Variants in HEATR4 observed in about 807,000 individuals in gnomAD.
The protein encoded by HEATR4 is HEAT repeat containing 4.
HEATR4 carries 95 observed loss-of-function variants against 108.8 expected under a neutral mutation model. The ratio of observed to expected loss-of-function variants is 0.87; its 90% CI spans 0.74 to 1.04. HEATR4 has a LOEUF of 1.04. Among genes scored for constraint, HEATR4 ranks in the 50% least tolerant of loss-of-function variants. The pLI is 0.00. For synonymous variants in HEATR4, 443 were observed against 459.4 expected (o/e 0.96, Z 0.46); for missense variants, 1,152 against 1,253.8 (o/e 0.92, Z 1.23).
chr14:73,605,059 G>A, the HEATR4 span, among the ~76,000 whole-genome samples: 1 of 150,834 alleles, frequency 6.6e-6, no homozygotes, highest in African/African-American at 2.4e-5. Context: ...CATAAGAGTG[G>A]CAAGACAAAA....
At chr14:73,592,390 T>G in the HEATR4 span, 1 of 1,548,474 alleles carries the variant, frequency 6.5e-7, no homozygotes, top group Non-Finnish European at 8.7e-7. Flanking sequence ...GCGGGCCGGG[T>G]GCGCGCCACG....
At chr14:73,595,244 T>A in the HEATR4 span, 1 of 1,614,194 alleles carries the variant, frequency 6.2e-7, no homozygotes, top group South Asian at 1.1e-5. Flanking sequence ...CAAGGTAGCT[T>A]TCTCAGGCCT....
chr14:73,590,484 C>T, the HEATR4 span, among the ~76,000 whole-genome samples: 3,166 of 152,362 alleles, frequency 0.021, 119 homozygotes, highest in African/African-American at 0.072. Context: ...GCCCGCACTT[C>T]TCAGCCCTTG....
the HEATR4 span, chr14:73,612,772 G>A: frequency 5.1e-6 from 7 of 1,367,876 alleles, no homozygotes; most frequent in East Asian, 1.8e-4. Context: ...GCGCGCCCGC[G>A]CTGGGAGGCA....
In HEATR4 at chr14:73,508,374, G is replaced by C. The variant is rs1886986139; in HGVS notation, c.1721-80C>G. On this transcript the variant is annotated intron_variant, in intron 8 of 17. Transcript: ENST00000553558. ...GAACAGCCTTTGGATTGATACCCAA[G>C]GCTGCTACCCCACCTGATATCTCAC... The C allele has an allele frequency of 2.3e-5, 28 of 1,239,698 alleles. 1 individual carries two copies. The South Asian group carries it at 3.0e-4, about 13-fold the overall frequency. The allele number at this position is 1,239,698 out of a possible 1,614,324, so 76.8% of individuals were successfully genotyped here.
At chr14:73,547,071 A>G in intron 1 of HEATR4, among the ~76,000 whole-genome samples, 1 of 105,036 alleles carries the variant, frequency 9.5e-6, no homozygotes, top group South Asian at 3.1e-4. Flanking sequence ...AGGCAACAAG[A>G]GCAAAACTCC....
chr14:73,618,994 G>A, the HEATR4 span, among the ~76,000 whole-genome samples: 3 of 152,022 alleles, frequency 2.0e-5, no homozygotes, highest in African/African-American at 7.3e-5. Context: ...GCCGGGCGTG[G>A]TGGTGGGCGC....
the HEATR4 span, among the ~76,000 whole-genome samples, chr14:73,615,334 C>CCAAAA: frequency 1.4e-5 from 2 of 139,332 alleles, no homozygotes; most frequent in African/African-American, 5.7e-5. Flanking sequence ...TTGCAGTGAG[C>CCAAAA]CAAAATCACA....
At position 73,492,407 on chromosome 14, in the gene HEATR4, G is replaced by A. The variant is rs752096493; in HGVS notation, c.2844+659C>T. The A allele has an allele frequency of 7.4e-6, 12 of 1,613,692 alleles. No individual in the cohort carries two copies. Among genetic ancestry groups the A allele is most frequent in the African/African-American group, 1.3e-5 (1 of 74,892 alleles). On this transcript the variant is annotated intron_variant, in intron 17 of 17. Transcript: ENST00000553558. The surrounding 1 kb of genome is among the most constrained non-coding windows in gnomAD (Gnocchi z 4.9). Reference sequence around the variant, plus strand: ...CCGAGACTTCATGGATTACATGGGGGCCCAGCATTCAGATTCTAAGGATCC... The same window carrying A: ...CCGAGACTTCATGGATTACATGGGGACCCAGCATTCAGATTCTAAGGATCC...
chr14:73,632,530 C>G, the HEATR4 span, among the ~76,000 whole-genome samples: 3 of 151,892 alleles, frequency 2.0e-5, no homozygotes, highest in Non-Finnish European at 4.4e-5. Context: ...GGCCTTTTCT[C>G]TCTCTTAAAA....
Position 73,556,592 on chromosome 14 carries a change from T to C in HEATR4, c.-152+2159A>G, listed in dbSNP as rs2140321991. 1.7e-5 allele frequency among the ~76,000 whole-genome samples: 2 copies of C among 114,350 alleles called. 1 individual carries two copies. Among genetic ancestry groups the C allele is most frequent in the South Asian group, 5.6e-4 (2 of 3,560 alleles). 75.0% of individuals were successfully genotyped at this position (114,350 alleles called of 152,430 possible). A position where few individuals can be genotyped will look rare whatever the true frequency, so the allele number is the denominator to read the frequency against. ...AGAGGCTTGTTCTGGCTTGTCTTTGTCTGTCTTGGAGTCACGGGACAGGTG... is the reference window on the plus strand; with the variant it reads ...AGAGGCTTGTTCTGGCTTGTCTTTGCCTGTCTTGGAGTCACGGGACAGGTG... On this transcript the variant is annotated intron_variant, in intron 1 of 17. Transcript: ENST00000553558.
At chr14:73,588,666 A>C in the HEATR4 span, among the ~76,000 whole-genome samples, 1 of 152,184 alleles carries the variant, frequency 6.6e-6, no homozygotes, top group Non-Finnish European at 1.5e-5. Context: ...CCACCTTATG[A>C]TGTTATTAAT....
chr14:73,509,858 A>ATTT (rs1566832304), intron 7 of HEATR4, among the ~76,000 whole-genome samples: 1 of 59,230 alleles, frequency 1.7e-5, no homozygotes, highest in Non-Finnish European at 3.3e-5. Flanking sequence ...ATATATATAT[A>ATTT]TATATATATA....
the HEATR4 span, among the ~76,000 whole-genome samples, chr14:73,572,287 A>C: frequency 5.3e-5 from 8 of 150,812 alleles, 1 homozygote; most frequent in Non-Finnish European, 1.0e-4. Flanking sequence ...TCCAGCAGTC[A>C]AAGTGATTGA....
rs1408263697 is a variant in HEATR4 at position 73,523,940 on chromosome 14, T to C, written c.-72-716A>G. ...CAGTGACCATGTCTCCCATTTCTTC[T>C]GTCTTTCAGAGTCATCCAGCACACC... On this transcript the variant is annotated intron_variant, in intron 2 of 17. Transcript: ENST00000553558. Among the ~76,000 whole-genome samples the C allele has an allele frequency of 2.4e-4, 37 of 152,202 alleles. 1 individual carries two copies. Among genetic ancestry groups the C allele is most frequent in the Admixed American group, 2.0e-3 (31 of 15,268 alleles).
At chr14:73,594,705 T>TTTA in the HEATR4 span, among the ~76,000 whole-genome samples, 1 of 151,848 alleles carries the variant, frequency 6.6e-6, no homozygotes, top group East Asian at 1.9e-4. Context: ...TATTTATTTA[T>TTTA]TTATTTATCT....
At chr14:73,585,812 G>C in the HEATR4 span, among the ~76,000 whole-genome samples, 24 of 138,230 alleles carry the variant, frequency 1.7e-4, no homozygotes, top group South Asian at 8.8e-4. Context: ...CCACTGTTTT[G>C]TCTTTTTCTT....
chr14:73,511,599 G>A (rs1275753198), intron 7 of HEATR4, among the ~76,000 whole-genome samples: 1 of 151,812 alleles, frequency 6.6e-6, no homozygotes, highest in Non-Finnish European at 1.5e-5. Flanking sequence ...TCTTGGCTGG[G>A]CACAGTGGCT....
At chr14:73,524,310 A>AAAAAAAAATATATAT in intron 2 of HEATR4, among the ~76,000 whole-genome samples, 11 of 54,774 alleles carry the variant, frequency 2.0e-4, no homozygotes, top group African/African-American at 8.8e-4. Context: ...AAAAAAAAAA[A>AAAAAAAAATATATAT]ATATATATAT....
Sources: allele counts gnomAD v4.1 joint callset (sites outside exome capture counted in the v4.1 genomes callset), GRCh38; gene constraint gnomAD v4.1.1; non-coding constraint Gnocchi (gnomAD v3.1); transcripts MANE v1.5; gene names NCBI Gene and HGNC (gene_info 2026-07-23, HGNC 2026-07-21).